GARNL3: variants seen among roughly 807,000 people sequenced by gnomAD.
The protein encoded by GARNL3 is GTPase activating Rap/RanGAP domain like 3, also known as GTPase-activating Rap/Ran-GAP domain-like protein 3.
A neutral mutation model predicts 125.0 loss-of-function variants in GARNL3; 63 were observed. That is an observed-to-expected ratio of 0.50 (90% CI 0.41 to 0.62). The LOEUF is 0.62. GARNL3 is among the 20% of genes least tolerant of loss of function. The pLI, the probability that GARNL3 is intolerant of heterozygous loss-of-function variation, is 0.00. For synonymous variants in GARNL3, 439 were observed against 457.5 expected, an observed-to-expected ratio of 0.96 and a Z score of 0.52; for missense variants, 994 against 1,244.0, an observed-to-expected ratio of 0.80 and a Z score of 3.02.
chr9:127,225,485 G>A lies in GARNL3; in HGVS notation c.-29+1147G>A, dbSNP rs559028044. On this transcript the variant is annotated intron_variant, in intron 1 of 10. Coordinates refer to the GARNL3 transcript ENST00000439286. ...GCGATGTGAAGGGACAGCGGGGCGA[G>A]GCCGTGGCGTGGGAAGGGTCTGCGG... is the stretch of plus-strand genomic sequence containing the variant. 5.1e-5 allele frequency: 29 copies of A among 572,778 alleles called. No individual in the cohort carries two copies. The South Asian group carries it at 2.0e-3, about 40-fold the overall frequency. 35.5% of individuals were successfully genotyped at this position (572,778 alleles called of 1,614,324 possible).
intron 2 of GARNL3, among the ~76,000 whole-genome samples, chr9:127,295,586 C>T (rs2064563893): frequency 6.6e-6 from 1 of 152,144 alleles, no homozygotes; most frequent in South Asian, 2.1e-4. Context: ...TTTCAGAAGC[C>T]AGTCACAAGC....
intron 1 of GARNL3, among the ~76,000 whole-genome samples, chr9:127,283,133 T>C (rs567612349): frequency 6.6e-6 from 1 of 152,342 alleles, no homozygotes; most frequent in South Asian, 2.1e-4. Context: ...GAATTTTCAC[T>C]ACTTAACTAA....
chr9:127,297,085 T>G (rs910387645), intron 2 of GARNL3, among the ~76,000 whole-genome samples: 2 of 152,214 alleles, frequency 1.3e-5, no homozygotes, highest in African/African-American at 4.8e-5. Flanking sequence ...ATCTCTTAAT[T>G]TCTAGAAAGG....
At chr9:127,320,875 G>A (rs1412441783) in intron 6 of GARNL3, 97 bp downstream of exon 6, 7 of 789,284 alleles carry the variant, frequency 8.9e-6, no homozygotes, top group Non-Finnish European at 1.5e-5. Flanking sequence ...GGGATGCAAA[G>A]CCAAATCACC....
intron 1 of GARNL3, among the ~76,000 whole-genome samples, chr9:127,279,221 T>G (rs938476128): frequency 2.0e-5 from 3 of 152,166 alleles, no homozygotes; most frequent in African/African-American, 7.2e-5. Context: ...CTTTCATTTT[T>G]TACATGTTTT....
chr9:127,362,563 G>GT (rs1831069263), intron 21 of GARNL3: 1 of 152,308 alleles, frequency 6.6e-6, no homozygotes, highest in African/African-American at 2.4e-5. Flanking sequence ...GGCCCCTCCC[G>GT]TGGAGAAGCT....
At chr9:127,359,722 T>C (rs1307317854) in intron 21 of GARNL3, among the ~76,000 whole-genome samples, 1 of 152,244 alleles carries the variant, frequency 6.6e-6, no homozygotes, top group Non-Finnish European at 1.5e-5. Context: ...CTGAAAATTA[T>C]GCAGTTTACT....
chr9:127,297,524 C>T (rs993655582), intron 2 of GARNL3, among the ~76,000 whole-genome samples: 3 of 152,146 alleles, frequency 2.0e-5, no homozygotes, highest in African/African-American at 7.2e-5. Context: ...GCATCCATTG[C>T]TAGCTATCTA....
At chr9:127,334,596 G>A (rs763589479) in intron 9 of GARNL3, among the ~76,000 whole-genome samples, 11 of 152,136 alleles carry the variant, frequency 7.2e-5, no homozygotes, top group South Asian at 2.1e-4. Context: ...AACCCTCAGC[G>A]TCTCCAATAT....
At chr9:127,383,982 A>C (rs1240466181) in intron 23 of GARNL3, among the ~76,000 whole-genome samples, 2 of 152,208 alleles carry the variant, frequency 1.3e-5, no homozygotes, top group African/African-American at 4.8e-5. Context: ...CTGCCACTAA[A>C]ATGTCAGGAC....
chr9:127,260,949 A>C (rs1353588726), upstream of GARNL3, among the ~76,000 whole-genome samples: 1 of 152,034 alleles, frequency 6.6e-6, no homozygotes, highest in African/African-American at 2.4e-5. Context: ...CAGTGAGGCT[A>C]CTCCTGGTTA....
intron 22 of GARNL3, among the ~76,000 whole-genome samples, chr9:127,375,270 C>T (rs1029886058): frequency 4.6e-5 from 7 of 152,040 alleles, no homozygotes; most frequent in African/African-American, 1.7e-4. Context: ...CAAGACCAGC[C>T]TGGTCAACAT....
Position 127,392,964 on chromosome 9 carries a change from C to A in GARNL3, c.2871-119C>A. On this transcript the variant is annotated intron_variant, in intron 27 of 27. Coordinates refer to ENST00000373387, the MANE Select transcript of GARNL3 (RefSeq NM_032293.5). This position sits in a 1 kb window ranked among gnomAD's most constrained non-coding sequence, Gnocchi z 5.2. ...GCACTTCCCCACCTCTACCACATAA[C>A]AGTGAGGGTTTGGTGAGCCAAACTC... is the stretch of plus-strand genomic sequence containing the variant. 4 of 783,012 alleles carry A rather than the reference C, an allele frequency of 5.1e-6. No individual in the cohort carries two copies. The highest frequency in any genetic ancestry group is 2.3e-5 in the Admixed American group (1 of 43,144). The allele number at this position is 783,012 out of a possible 1,614,324, so 48.5% of individuals were successfully genotyped here.
intron 1 of GARNL3, among the ~76,000 whole-genome samples, chr9:127,230,205 T>C (rs1285901982): frequency 2.0e-5 from 3 of 152,260 alleles, no homozygotes; most frequent in African/African-American, 7.2e-5. Flanking sequence ...ACTTGTGAAC[T>C]TGGACAAATT....
chr9:127,338,079 T>G (rs781057857), intron 11 of GARNL3, 37 bp from the exon 12 acceptor site: 2 of 1,503,352 alleles, frequency 1.3e-6, no homozygotes, highest in African/African-American at 2.8e-5. Flanking sequence ...GTCGTGAGCA[T>G]CAGTGTTGTG....
At chr9:127,298,618 T>C (rs1374284868) in intron 2 of GARNL3, among the ~76,000 whole-genome samples, 1 of 152,242 alleles carries the variant, frequency 6.6e-6, no homozygotes, top group East Asian at 1.9e-4. Context: ...ATAAATAATA[T>C]TGTAATGAAC....
intron 22 of GARNL3, among the ~76,000 whole-genome samples, chr9:127,375,048 CAT>C (rs1415195243): frequency 1.3e-5 from 2 of 152,206 alleles, no homozygotes; most frequent in Admixed American, 6.5e-5. Context: ...ATGGCTTTCT[CAT>C]GTGTGGCTGG....
chr9:127,382,901 C>T (rs958953741), intron 22 of GARNL3, among the ~76,000 whole-genome samples: 5 of 152,196 alleles, frequency 3.3e-5, no homozygotes, highest in African/African-American at 1.2e-4. Context: ...GAATGAGGCT[C>T]AAGGTGTGAT....
At chr9:127,355,842 G>A (rs1432638621) in intron 20 of GARNL3, among the ~76,000 whole-genome samples, 2 of 152,222 alleles carry the variant, frequency 1.3e-5, no homozygotes, top group Non-Finnish European at 2.9e-5. Flanking sequence ...AATGGAGCAG[G>A]GAGTTGGGAG....
Sources: allele counts gnomAD v4.1 joint callset (sites outside exome capture counted in the v4.1 genomes callset), GRCh38; gene constraint gnomAD v4.1.1; non-coding constraint Gnocchi (gnomAD v3.1); transcripts MANE v1.5; gene names NCBI Gene and HGNC (gene_info 2026-07-23, HGNC 2026-07-21).